The following PRKCB variants were observed in gnomAD, a reference collection of about 807,000 sequenced individuals.
The protein encoded by PRKCB is protein kinase C beta, also known as protein kinase C beta type.
In PRKCB, 13 loss-of-function variants were observed where a neutral mutation model predicts 81.5. The observed-to-expected ratio is 0.16, with a 90% CI of 0.10 to 0.25. The LOEUF (loss-of-function observed/expected upper bound fraction) is 0.25. PRKCB is among the 10% of genes least tolerant of loss of function. The pLI is 1.00. For missense variants in PRKCB, 509 were observed against 875.7 expected (o/e 0.58, Z 5.29); for synonymous variants, 335 against 321.4 (o/e 1.04, Z -0.45).
At chr16:24,134,390 GT>G (rs1214138108) in intron 9 of PRKCB, among the ~76,000 whole-genome samples, 1 of 152,130 alleles carries the variant, frequency 6.6e-6, no homozygotes, top group East Asian at 1.9e-4. Flanking sequence ...GAGCTCAGGA[GT>G]TCAAGACCAG....
chr16:24,115,589 G>A lies in PRKCB; in HGVS notation c.918+2520G>A, dbSNP rs994828933. 3.3e-5 allele frequency among the ~76,000 whole-genome samples: 5 copies of A among 150,744 alleles called. No homozygotes were observed. The South Asian group carries it at 6.3e-4, about 19-fold the overall frequency. On this transcript the variant is annotated intron_variant, in intron 8 of 16. Transcript: ENST00000643927. ...GATGATTTTAGCATTTATCCGAAGA[G>A]TATTTATCCCAAGGATAGCATTTAT...
At chr16:24,211,100 A>G (rs1463706126) in intron 16 of PRKCB, among the ~76,000 whole-genome samples, 1 of 152,194 alleles carries the variant, frequency 6.6e-6, no homozygotes, top group Admixed American at 6.5e-5. Flanking sequence ...CCAGCAGAAA[A>G]GACCCCAGGT....
At chr16:24,175,690 G>C (rs1660193951) in intron 12 of PRKCB, among the ~76,000 whole-genome samples, 1 of 151,714 alleles carries the variant, frequency 6.6e-6, no homozygotes, top group Admixed American at 6.6e-5. Flanking sequence ...GGCATGAGGG[G>C]GCTGGGCACA....
At chr16:23,905,713 T>G (rs1963549002) in intron 2 of PRKCB, among the ~76,000 whole-genome samples, 1 of 152,188 alleles carries the variant, frequency 6.6e-6, no homozygotes, top group Non-Finnish European at 1.5e-5. Context: ...CTGGTAGAAT[T>G]CCCATCACCT....
At chr16:23,838,044 C>G (rs183646555) in intron 2 of PRKCB, among the ~76,000 whole-genome samples, 2 of 152,328 alleles carry the variant, frequency 1.3e-5, no homozygotes, top group East Asian at 3.9e-4. Flanking sequence ...TGGACTCTAA[C>G]CAGGGGTATC....
chr16:24,208,797 G>A (rs906777357), intron 16 of PRKCB, among the ~76,000 whole-genome samples: 7 of 152,112 alleles, frequency 4.6e-5, no homozygotes, highest in South Asian at 2.1e-4. Context: ...TTTAGGGAGC[G>A]CTCCTGAAGC....
chr16:24,104,827 G>A (rs776432291), intron 7 of PRKCB, among the ~76,000 whole-genome samples: 13 of 152,140 alleles, frequency 8.5e-5, no homozygotes, highest in Non-Finnish European at 1.8e-4. Context: ...ATTAGGTCTT[G>A]GAGGATATGG....
Position 24,025,747 on chromosome 16 carries a change from T to C in PRKCB, c.289-6389T>C, listed in dbSNP as rs144296722. On this transcript the variant is annotated intron_variant, in intron 3 of 16. Transcript: ENST00000643927. Reference sequence around the variant, plus strand: ...TTTGCTAGGTGAATGAACGAATGAGTCAAGTTCTATCTTAGCCGCACATGA... The same window carrying C: ...TTTGCTAGGTGAATGAACGAATGAGCCAAGTTCTATCTTAGCCGCACATGA... 3.2e-4 allele frequency among the ~76,000 whole-genome samples: 48 copies of C among 152,158 alleles called. No homozygotes were observed. In the East Asian group the frequency reaches 8.5e-3, roughly 27 times the overall value.
At chr16:23,910,889 C>G (rs1963641224) in intron 2 of PRKCB, among the ~76,000 whole-genome samples, 1 of 152,010 alleles carries the variant, frequency 6.6e-6, no homozygotes, top group Non-Finnish European at 1.5e-5. Flanking sequence ...GTAGATTTGC[C>G]TATCCTAGAC....
intron 15 of PRKCB, 40 bp from the exon 16 acceptor site, chr16:24,191,050 C>G (rs553575277): frequency 5.6e-5 from 89 of 1,601,998 alleles, no homozygotes; most frequent in Middle Eastern, 5.0e-4. Flanking sequence ...ATTTCCTCTT[C>G]TGAAACTCAG....
At chr16:23,872,303 T>A (rs1009141269) in intron 2 of PRKCB, among the ~76,000 whole-genome samples, 1 of 152,220 alleles carries the variant, frequency 6.6e-6, no homozygotes, top group Non-Finnish European at 1.5e-5. Context: ...AGAAGTGGAA[T>A]AGTTAATAGT....
chr16:23,954,108 A>G (rs1426068872), intron 2 of PRKCB, among the ~76,000 whole-genome samples: 1 of 151,928 alleles, frequency 6.6e-6, no homozygotes, highest in Non-Finnish European at 1.5e-5. Context: ...GGTTTGTTAC[A>G]TATGTATACA....
At chr16:23,839,317 C>A (rs1368444363) in intron 2 of PRKCB, among the ~76,000 whole-genome samples, 1 of 139,468 alleles carries the variant, frequency 7.2e-6, no homozygotes, top group African/African-American at 2.8e-5. Context: ...TCTTTTGCCC[C>A]GGCTGGAGTA....
intron 10 of PRKCB, among the ~76,000 whole-genome samples, chr16:24,164,426 C>T (rs80214247): frequency 0.017 from 2,617 of 152,172 alleles, 64 homozygotes; most frequent in African/African-American, 0.06. Context: ...TTTAAATTAC[C>T]TGAAGGCACT....
chr16:23,972,518 A>T (rs1964571342), intron 2 of PRKCB, among the ~76,000 whole-genome samples: 1 of 152,108 alleles, frequency 6.6e-6, no homozygotes, highest in Non-Finnish European at 1.5e-5. Context: ...TCAGTTTTTA[A>T]TTTTTTCCTG....
intron 2 of PRKCB, among the ~76,000 whole-genome samples, chr16:23,858,660 A>G (rs1962614081): frequency 6.6e-6 from 1 of 152,152 alleles, no homozygotes; most frequent in African/African-American, 2.4e-5. Context: ...CCACGTGATC[A>G]CAGTAGGCTG....
intron 2 of PRKCB, among the ~76,000 whole-genome samples, chr16:23,942,787 G>T (rs2141770044): frequency 6.6e-6 from 1 of 152,296 alleles, no homozygotes; most frequent in East Asian, 1.9e-4. Context: ...ACATCAGAAA[G>T]CCTAGCCTTA....
intron 2 of PRKCB, among the ~76,000 whole-genome samples, chr16:23,982,054 T>TCCCTTCCCCTTCCCTTCCCCTTCCCTTC (rs1555488538): frequency 1.0e-5 from 1 of 99,048 alleles, no homozygotes; most frequent in African/African-American, 4.0e-5. Context: ...CCCTTCCCTT[T>TCCCTTCCCCTTCCCTTCCCCTTCCCTTC]CCCTTCCCCT....
At chr16:23,994,018 G>A (rs1964923166) in intron 3 of PRKCB, among the ~76,000 whole-genome samples, 1 of 152,186 alleles carries the variant, frequency 6.6e-6, no homozygotes, top group Non-Finnish European at 1.5e-5. Flanking sequence ...ATGAAAGGGA[G>A]GTAAAATTTC....
Sources: allele counts gnomAD v4.1 joint callset (sites outside exome capture counted in the v4.1 genomes callset), GRCh38; gene constraint gnomAD v4.1.1; transcripts MANE v1.5; gene names NCBI Gene and HGNC (gene_info 2026-07-23, HGNC 2026-07-21).